SERPINE2: variants seen among roughly 807,000 people sequenced by gnomAD.
The protein encoded by SERPINE2 is serpin family E member 2.
Under a neutral mutation model 36.3 loss-of-function variants are expected in SERPINE2, and 14 were observed. The ratio of observed to expected loss-of-function variants is 0.39; its 90% confidence interval spans 0.25 to 0.60. The LOEUF is 0.60. Among genes scored for constraint, SERPINE2 ranks in the 20% least tolerant of loss-of-function variants. The pLI, the probability that SERPINE2 is intolerant of heterozygous loss-of-function variation, is 0.57. For synonymous variants in SERPINE2, 192 were observed against 191.8 expected (o/e 1.00, Z -0.01); for missense variants, 418 against 499.6 (o/e 0.84, Z 1.56).
chr2:224,031,269 A>T (rs1692355586), intron 1 of SERPINE2: 46 of 984,894 alleles, frequency 4.7e-5, no homozygotes, highest in Non-Finnish European at 5.4e-5. Flanking sequence ...GACCCCCCAC[A>T]TACTGCGTGA....
intron 1 of SERPINE2, among the ~76,000 whole-genome samples, chr2:224,017,147 T>C (rs1330053444): frequency 6.6e-6 from 1 of 152,272 alleles, no homozygotes. Context: ...GAAATCTGAA[T>C]AGGGTGGGTG....
intron 1 of SERPINE2, among the ~76,000 whole-genome samples, chr2:224,031,759 A>AG (rs1553551497): frequency 1.1e-5 from 1 of 93,686 alleles, no homozygotes; most frequent in Admixed American, 1.1e-4. Context: ...TCCACCCCCC[A>AG]CCCCCCCCGC....
chr2:223,978,768 A>T (rs1690111110), intron 7 of SERPINE2: 1 of 152,226 alleles, frequency 6.6e-6, no homozygotes, highest in East Asian at 1.9e-4. Flanking sequence ...TTAAAAACAA[A>T]TATTAAATAG....
chr2:223,976,431 C>T (rs1197841542), intron 8 of SERPINE2, among the ~76,000 whole-genome samples: 3 of 152,182 alleles, frequency 2.0e-5, no homozygotes, highest in African/African-American at 7.2e-5. Flanking sequence ...GGATTACAGG[C>T]ATAAGCCACC....
At chr2:223,994,567 T>G (rs1320224252) in intron 3 of SERPINE2, among the ~76,000 whole-genome samples, 1 of 152,108 alleles carries the variant, frequency 6.6e-6, no homozygotes, top group Non-Finnish European at 1.5e-5. Context: ...AAATCTGGTC[T>G]CAAAAACTAC....
At chr2:224,034,953 C>T (rs1427425296) in intron 1 of SERPINE2, among the ~76,000 whole-genome samples, 2 of 152,198 alleles carry the variant, frequency 1.3e-5, no homozygotes, top group Non-Finnish European at 2.9e-5. Context: ...GCGGAGAGCT[C>T]ATCTTTCAAT....
At chr2:224,001,244 C>T (rs963695047) in intron 2 of SERPINE2, among the ~76,000 whole-genome samples, 2 of 152,166 alleles carry the variant, frequency 1.3e-5, no homozygotes, top group African/African-American at 4.8e-5. Flanking sequence ...ACTACGAGGC[C>T]CCTGGGCCCT....
chr2:223,983,268 T>C (rs1320137209), intron 5 of SERPINE2, among the ~76,000 whole-genome samples: 1 of 152,226 alleles, frequency 6.6e-6, no homozygotes. Flanking sequence ...GGATTCTTTT[T>C]TTTGAGACAG....
intron 3 of SERPINE2, among the ~76,000 whole-genome samples, chr2:223,992,420 T>C (rs904671904): frequency 1.3e-5 from 2 of 152,158 alleles, no homozygotes; most frequent in African/African-American, 2.4e-5. Flanking sequence ...AGATAAACAA[T>C]TTTGTTTTGT....
intron 1 of SERPINE2, among the ~76,000 whole-genome samples, chr2:224,014,806 T>C (rs915503855): frequency 6.6e-6 from 1 of 152,164 alleles, no homozygotes; most frequent in Non-Finnish European, 1.5e-5. Context: ...ATCCCTTAAT[T>C]TATCCTACAA....
At position 223,984,854 on chromosome 2, in the gene SERPINE2, C is replaced by A. The variant is rs1232420403; in HGVS notation, c.782G>T (p.Ser261Ile). The A allele has an allele frequency of 5.6e-6, 9 of 1,614,010 alleles. No individual in the cohort carries two copies. Among genetic ancestry groups the A allele is most frequent in the Non-Finnish European group, 6.8e-6 (8 of 1,180,014 alleles). The change falls in exon 5 of 9, where the codon AGC (serine) becomes ATC (isoleucine). Residue 261 changes from serine (S) to isoleucine (I), a missense_variant. By Grantham distance (142) the Ser-to-Ile change is moderately radical. Transcript: ENST00000409304. ...ISMLIALPTESSTPLSAIIPH... is the reference protein window; with the variant it reads ...ISMLIALPTEISTPLSAIIPH... ...GATGATGGCAGACAGCGGAGTGGAG[C>A]TCTCAGTCGGCAGTGCAATCAGCAT...
intron 5 of SERPINE2, 21 bp from the exon 6 acceptor site, chr2:223,982,802 G>A (rs1162953788): frequency 3.2e-6 from 5 of 1,572,178 alleles, no homozygotes; most frequent in African/African-American, 1.4e-5. Context: ...AGCAGAAATG[G>A]AGAAAAAAAA....
chr2:224,030,678 A>G (rs1692333228), intron 1 of SERPINE2: 1 of 152,426 alleles, frequency 6.6e-6, no homozygotes, highest in African/African-American at 2.4e-5. Context: ...AAAGGAGGAA[A>G]CACATATTTT....
At position 223,975,545 on chromosome 2, in the gene SERPINE2, AC is replaced by A. The variant is rs1360405809; in HGVS notation, c.*321del. On this transcript the variant is annotated 3_prime_UTR_variant, in exon 9 of 9. Transcript: ENST00000409304. ...AAGCCGCACATATAGACAAAACAAA[AC>A]AAAAATTCCTGAACTGGACAAACAG... 1.2e-5 allele frequency: 3 copies of A among 243,726 alleles called. No homozygotes were observed. The highest frequency in any genetic ancestry group is 2.3e-5 in the Non-Finnish European group (3 of 128,978). 15.1% of individuals were successfully genotyped at this position (243,726 alleles called of 1,614,324 possible). A position where few individuals can be genotyped will look rare whatever the true frequency, so the allele number is the denominator to read the frequency against.
chr2:224,019,889 A>G (rs1691938873), intron 1 of SERPINE2, among the ~76,000 whole-genome samples: 1 of 151,868 alleles, frequency 6.6e-6, no homozygotes, highest in African/African-American at 2.4e-5. Flanking sequence ...AATGTTTAGC[A>G]GTATTCCTGG....
chr2:224,017,577 T>C (rs1691842585), intron 1 of SERPINE2, among the ~76,000 whole-genome samples: 1 of 152,212 alleles, frequency 6.6e-6, no homozygotes, highest in Non-Finnish European at 1.5e-5. Flanking sequence ...ACACTATACA[T>C]GGCCCCTGCA....
chr2:224,038,586 G>T, intron 1 of SERPINE2: 1 of 1,336,440 alleles, frequency 7.5e-7, no homozygotes, highest in Non-Finnish European at 1.1e-6. Flanking sequence ...CAGAGGCCAA[G>T]TTAAAGGCTT....
At chr2:224,007,476 CTCAAA>C (rs1282478134) in intron 1 of SERPINE2, among the ~76,000 whole-genome samples, 1 of 152,184 alleles carries the variant, frequency 6.6e-6, no homozygotes, top group Non-Finnish European at 1.5e-5. Context: ...TTTATTTCTA[CTCAAA>C]TCAAAGATGA....
At chr2:224,023,181 G>T (rs1692070174) in intron 1 of SERPINE2, among the ~76,000 whole-genome samples, 1 of 152,212 alleles carries the variant, frequency 6.6e-6, no homozygotes, top group Admixed American at 6.5e-5. Flanking sequence ...TTAAGGTGAG[G>T]AAAGTCCTTA....
Sources: gnomAD v4.1 joint callset for allele counts (sites outside exome capture counted in the v4.1 genomes callset) on GRCh38, gnomAD v4.1.1 for gene constraint, MANE v1.5 for transcripts, NCBI Gene and HGNC (gene_info 2026-07-23, HGNC 2026-07-21) for gene names.